Variants in ATP5F1D observed in about 807,000 individuals in gnomAD.
ATP5F1D encodes the protein ATP synthase F1 subunit delta.
In ATP5F1D, 16 loss-of-function variants were observed where a neutral mutation model predicts 13.0. That is an observed-to-expected ratio of 1.23 (90% CI 0.83 to 1.87). The LOEUF is 1.87. ATP5F1D is among the 40% of genes most tolerant of loss of function. The pLI is 0.00. For synonymous variants in ATP5F1D, 129 were observed against 116.2 expected, an observed-to-expected ratio of 1.11 and a Z score of -0.71; for missense variants, 294 against 246.2, an observed-to-expected ratio of 1.19 and a Z score of -1.30.
At chr19:1,242,187 G>A (rs895675467) in intron 1 of ATP5F1D, 196 bp downstream of exon 1, 13 of 841,952 alleles carry the variant, frequency 1.5e-5, no homozygotes, top group Non-Finnish European at 1.8e-5. Flanking sequence ...ACCTCCCCGA[G>A]ATAAGCGTCT....
At chr19:1,242,020 G>T in intron 1 of ATP5F1D, 29 bp downstream of exon 1, 1 of 1,375,578 alleles carries the variant, frequency 7.3e-7, no homozygotes. Flanking sequence ...GGGACCCTCC[G>T]TGGCCGCCGC....
In ATP5F1D at chr19:1,241,900, G is replaced by A; in HGVS notation, c.50G>A (p.Arg17His). The A allele has an allele frequency of 6.8e-7, 1 of 1,467,884 alleles. No homozygotes were observed. Among genetic ancestry groups the A allele is most frequent in the Non-Finnish European group, 9.0e-7 (1 of 1,112,644 alleles). The allele number at this position is 1,467,884 out of a possible 1,614,324, so 90.9% of individuals were successfully genotyped here. A position where few individuals can be genotyped will look rare whatever the true frequency, so the allele number is the denominator to read the frequency against. Residue 17 changes from arginine (R) to histidine (H), a missense_variant, in exon 1 of 4, where the codon CGC becomes CAC. Transcript: ENST00000215375. ...LRRPGLGRLV[R>H]HARAYAEAAA... is the part of the protein sequence containing the mutation. ...CGCCCGGGACTTGGCCGCCTCGTCC[G>A]CCACGCCCGTGCCTATGCCGAGGCC...
chr19:1,242,710 C>G (rs1284245028), intron 2 of ATP5F1D, 101 bp downstream of exon 2: 1 of 1,350,314 alleles, frequency 7.4e-7, no homozygotes, highest in East Asian at 3.0e-5. Flanking sequence ...TAGTTTTAGG[C>G]CGGGCACGGT....
Position 1,242,458 on chromosome 19 carries a change from G to A in ATP5F1D, c.144G>A (p.Val48=). ...MSFTFASPTQ[V]FFNGANVRQV... is the part of the protein sequence containing the mutation. ...ATTCCCCACGCTGTTGTCTGCAGGT[G>A]TTCTTCAACGGTGCCAACGTCCGGC... is the stretch of plus-strand genomic sequence containing the variant. Residue 48 remains valine (V), a splice_region_variant and synonymous_variant, in exon 2 of 4, where the codon GTG becomes GTA. Transcript: ENST00000215375. 3 of 1,523,542 alleles carry A rather than the reference G, an allele frequency of 2.0e-6. No homozygotes were observed. The highest frequency in any genetic ancestry group is 2.7e-6 in the Non-Finnish European group (3 of 1,129,822). The allele number at this position is 1,523,542 out of a possible 1,614,324, so 94.4% of individuals were successfully genotyped here. A position where few individuals can be genotyped will look rare whatever the true frequency, so the allele number is the denominator to read the frequency against.
chr19:1,242,442 G>A lies in ATP5F1D; in HGVS notation c.142-14G>A. 6.6e-7 allele frequency: 1 copy of A among 1,505,264 alleles called. No individual in the cohort carries two copies. The highest frequency in any genetic ancestry group is 8.9e-7 in the Non-Finnish European group (1 of 1,119,714). 93.2% of individuals were successfully genotyped at this position (1,505,264 alleles called of 1,614,324 possible). On this transcript the variant is annotated splice_polypyrimidine_tract_variant and intron_variant, in intron 1 of 3. Coordinates refer to ENST00000215375, the MANE Select transcript of ATP5F1D (RefSeq NM_001687.5). ...GGCCTGCCCCGCCATCATTCCCCAC[G>A]CTGTTGTCTGCAGGTGTTCTTCAAC...
In ATP5F1D at chr19:1,244,816, G is replaced by T. The variant is rs1050205923; in HGVS notation, c.*379G>T. ...CCAGCCCCCGCCCCATTAAAGACCC[G>T]GAAGCCTGACTGTGTGCTCGGCTCT... On this transcript the variant is annotated 3_prime_UTR_variant, in exon 4 of 4. Transcript: ENST00000215375. The T allele has an allele frequency of 8.0e-6, 2 of 248,860 alleles. No homozygotes were observed. Among genetic ancestry groups the T allele is most frequent in the Non-Finnish European group, 1.6e-5 (2 of 125,744 alleles). 15.4% of individuals were successfully genotyped at this position (248,860 alleles called of 1,614,324 possible).
intron 3 of ATP5F1D, 32 bp downstream of exon 3, chr19:1,244,217 G>A (rs1404755666): frequency 1.2e-6 from 2 of 1,600,434 alleles, no homozygotes; most frequent in Non-Finnish European, 1.7e-6. Flanking sequence ...AGGCTCAGCA[G>A]GTTGGAGCTG....
chr19:1,244,352 T>C lies in ATP5F1D; in HGVS notation c.422T>C (p.Leu141Pro). ...AACTTGGAGAAGGCCCAGGCGGAGC[T>C]GGTGGGGACAGCTGACGAGGCCACG... ...KANLEKAQAE[L>P]VGTADEATRA... The change falls in exon 4 of 4, where the codon CTG becomes CCG. Residue 141 changes from leucine (L) to proline (P), a missense_variant. Physicochemically the swap from Leu to Pro is moderately conservative, Grantham distance 98 (BLOSUM62 -3). Transcript: ENST00000215375. 1 of 1,590,454 alleles carries C rather than the reference T, an allele frequency of 6.3e-7. No homozygotes were observed. The highest frequency in any genetic ancestry group is 8.6e-7 in the Non-Finnish European group (1 of 1,169,024).
Position 1,244,506 on chromosome 19 carries a change from C to A in ATP5F1D, c.*69C>A. ...AGGGATGCCAGGTGGGCCCAGCCAG[C>A]TCCTGGGGTCCCGGCCACCTGGGGA... On this transcript the variant is annotated 3_prime_UTR_variant, in exon 4 of 4. Coordinates refer to ENST00000215375, the MANE Select transcript of ATP5F1D (RefSeq NM_001687.5). 1 of 1,512,966 alleles carries A rather than the reference C, an allele frequency of 6.6e-7. No individual in the cohort carries two copies. 93.7% of individuals were successfully genotyped at this position (1,512,966 alleles called of 1,614,324 possible).
In ATP5F1D at chr19:1,242,436, C is replaced by T; in HGVS notation, c.142-20C>T. 1.3e-6 allele frequency: 2 copies of T among 1,497,058 alleles called. No individual in the cohort carries two copies. Among genetic ancestry groups the T allele is most frequent in the Non-Finnish European group, 1.8e-6 (2 of 1,115,248 alleles). 92.7% of individuals were successfully genotyped at this position (1,497,058 alleles called of 1,614,324 possible). On this transcript the variant is annotated intron_variant, in intron 1 of 3. Coordinates refer to ENST00000215375, the MANE Select transcript of ATP5F1D (RefSeq NM_001687.5). ...GGGGCCGGCCTGCCCCGCCATCATT[C>T]CCCACGCTGTTGTCTGCAGGTGTTC... is the stretch of plus-strand genomic sequence containing the variant.
rs977710081 is a variant in ATP5F1D, at chr19:1,244,525, C to T, written c.*88C>T. ...AGCCAGCTCCTGGGGTCCCGGCCACCTGGGGAAGCCGCGCCTGCCAAGGAG... is the reference window on the plus strand; with the variant it reads ...AGCCAGCTCCTGGGGTCCCGGCCACTTGGGGAAGCCGCGCCTGCCAAGGAG... On this transcript the variant is annotated 3_prime_UTR_variant, in exon 4 of 4. Transcript: ENST00000215375. 16 of 1,491,670 alleles carry T rather than the reference C, an allele frequency of 1.1e-5. No individual in the cohort carries two copies. In the Admixed American group the frequency reaches 1.1e-4, roughly 11 times the overall value. The allele number at this position is 1,491,670 out of a possible 1,614,324, so 92.4% of individuals were successfully genotyped here. A position where few individuals can be genotyped will look rare whatever the true frequency, so the allele number is the denominator to read the frequency against.
In ATP5F1D at chr19:1,242,460, T is replaced by C; in HGVS notation, c.146T>C (p.Phe49Ser). ...SFTFASPTQV[F>S]FNGANVRQVD... is the part of the protein sequence containing the mutation. ...TCCCCACGCTGTTGTCTGCAGGTGTTCTTCAACGGTGCCAACGTCCGGCAG... is the reference window on the plus strand; with the variant it reads ...TCCCCACGCTGTTGTCTGCAGGTGTCCTTCAACGGTGCCAACGTCCGGCAG... Residue 49 changes from phenylalanine (F) to serine (S), a missense_variant, in exon 2 of 4, where the codon TTC (phenylalanine) becomes TCC (serine). Coordinates refer to ENST00000215375, the MANE Select transcript of ATP5F1D (RefSeq NM_001687.5). 6.6e-7 allele frequency: 1 copy of C among 1,524,194 alleles called. No homozygotes were observed. Among genetic ancestry groups the C allele is most frequent in the South Asian group, 1.2e-5 (1 of 81,232 alleles). 94.4% of individuals were successfully genotyped at this position (1,524,194 alleles called of 1,614,324 possible). A position where few individuals can be genotyped will look rare whatever the true frequency, so the allele number is the denominator to read the frequency against.
chr19:1,241,942 C>T lies in ATP5F1D; in HGVS notation c.92C>T (p.Ala31Val). 2 of 1,497,070 alleles carry T rather than the reference C, an allele frequency of 1.3e-6. No homozygotes were observed. Among genetic ancestry groups the T allele is most frequent in the Non-Finnish European group, 1.8e-6 (2 of 1,125,466 alleles). The allele number at this position is 1,497,070 out of a possible 1,614,324, so 92.7% of individuals were successfully genotyped here. The change falls in exon 1 of 4, where the codon GCC becomes GTC. Residue 31 changes from alanine (A) to valine (V), a missense_variant. Transcript: ENST00000215375. ...GCCGAGGCCGCCGCCGCCCCGGCTGCCGCCTCTGGCCCCAACCAGATGTCC... is the reference window on the plus strand; with the variant it reads ...GCCGAGGCCGCCGCCGCCCCGGCTGTCGCCTCTGGCCCCAACCAGATGTCC... ...AYAEAAAAPAAASGPNQMSFT... is the reference protein window; with the variant it reads ...AYAEAAAAPAVASGPNQMSFT...
chr19:1,244,313 A>G lies in ATP5F1D; in HGVS notation c.385-2A>G, dbSNP rs113244457. 1.9e-6 allele frequency: 3 copies of G among 1,592,176 alleles called. No individual in the cohort carries two copies. Among genetic ancestry groups the G allele is most frequent in the South Asian group, 2.3e-5 (2 of 87,972 alleles). ...CCCTCACCGCCCCTCAACCCCTTGC[A>G]GGCAGCCAAGGCAAACTTGGAGAAG... On this transcript the variant is annotated splice_acceptor_variant, in intron 3 of 3. Coordinates refer to ENST00000215375, the MANE Select transcript of ATP5F1D (RefSeq NM_001687.5). LOFTEE classifies it high-confidence loss of function.
rs928011879 is a variant in ATP5F1D, at chr19:1,244,376, C to T, written c.446C>T (p.Thr149Met). 27 of 1,579,360 alleles carry T rather than the reference C, an allele frequency of 1.7e-5. No homozygotes were observed. In the African/African-American group the frequency reaches 1.7e-4, roughly 10 times the overall value. ...CTGGTGGGGACAGCTGACGAGGCCA[C>T]GCGGGCAGAGATCCAGATCCGAATC... ...AELVGTADEA[T>M]RAEIQIRIEA... Residue 149 changes from threonine to methionine, a missense_variant, in exon 4 of 4, where the codon ACG (threonine) becomes ATG (methionine). Transcript: ENST00000215375.
Position 1,242,010 on chromosome 19 carries a change from G to A in ATP5F1D, c.141+19G>A. The stretch of plus-strand genomic sequence containing the variant: ...CACGCAGGTTCGGGCGCTGCGGGTC[G>A]GGACCCTCCGTGGCCGCCGCCCCCG... On this transcript the variant is annotated intron_variant, in intron 1 of 3. Transcript: ENST00000215375. The A allele has an allele frequency of 7.2e-7, 1 of 1,394,296 alleles. No homozygotes were observed. The highest frequency in any genetic ancestry group is 9.3e-7 in the Non-Finnish European group (1 of 1,070,924). The allele number at this position is 1,394,296 out of a possible 1,614,324, so 86.4% of individuals were successfully genotyped here. A position where few individuals can be genotyped will look rare whatever the true frequency, so the allele number is the denominator to read the frequency against.
At chr19:1,242,030 C>T (rs771705684) in intron 1 of ATP5F1D, 39 bp downstream of exon 1, 2 of 1,361,480 alleles carry the variant, frequency 1.5e-6, no homozygotes, top group South Asian at 1.9e-5. Flanking sequence ...GTGGCCGCCG[C>T]CCCCGGAGTC....
intron 2 of ATP5F1D, chr19:1,242,927 C>T (rs2081045144): frequency 5.3e-6 from 1 of 190,188 alleles, no homozygotes; most frequent in Admixed American, 6.1e-5. Flanking sequence ...GAGATCGAGA[C>T]CATCCTGGCT....
At chr19:1,243,664 C>T (rs572364349) in intron 2 of ATP5F1D, among the ~76,000 whole-genome samples, 1 of 152,172 alleles carries the variant, frequency 6.6e-6, no homozygotes, top group Admixed American at 6.6e-5. Context: ...GCCAAAAAAA[C>T]CCCTCAAAAA....
Sources: gnomAD v4.1 joint callset for allele counts (sites outside exome capture counted in the v4.1 genomes callset) on GRCh38, gnomAD v4.1.1 for gene constraint, MANE v1.5 for transcripts, NCBI Gene and HGNC (gene_info 2026-07-23, HGNC 2026-07-21) for gene names.